RANBP17: variants seen among roughly 807,000 people sequenced by gnomAD.
RANBP17 encodes the protein RAN binding protein 17.
In RANBP17, 158 loss-of-function variants were observed where a neutral mutation model predicts 141.2. That is an observed-to-expected ratio of 1.12 (90% CI 0.98 to 1.28). The LOEUF (loss-of-function observed/expected upper bound fraction) is 1.28. Ranked by LOEUF, RANBP17 falls within the 50% of genes most tolerant of loss-of-function variation. The probability of loss-of-function intolerance (pLI) is 0.00; values close to 1 mark genes in which losing one functional copy is unlikely to be tolerated. For missense variants in RANBP17, 1,438 were observed against 1,290.7 expected, an observed-to-expected ratio of 1.11 and a Z score of -1.75; for synonymous variants, 430 against 450.0, an observed-to-expected ratio of 0.96 and a Z score of 0.56.
intron 20 of RANBP17, among the ~76,000 whole-genome samples, chr5:171,210,154 C>G (rs1762790488): frequency 6.6e-6 from 1 of 152,148 alleles, no homozygotes; most frequent in South Asian, 2.1e-4. Context: ...TACCTAAGGG[C>G]TCCCATTCTC....
At chr5:170,995,136 A>G (rs998925974) in intron 14 of RANBP17, among the ~76,000 whole-genome samples, 6 of 152,120 alleles carry the variant, frequency 3.9e-5, no homozygotes, top group Non-Finnish European at 7.4e-5. Context: ...TAATTAAATT[A>G]TTAAGATTTT....
rs1183215965 is a variant in RANBP17 at position 170,899,832 on chromosome 5, A to C, written c.489+3717A>C. On this transcript the variant is annotated intron_variant, in intron 5 of 27. Coordinates refer to ENST00000523189, the MANE Select transcript of RANBP17 (RefSeq NM_022897.5). The stretch of plus-strand genomic sequence containing the variant: ...ATGGATTATGTTTATTGATTTGCAT[A>C]TGTTGAACCAGGTTTGCATCCCAGA... Among the ~76,000 whole-genome samples, 6 of 152,250 alleles carry C rather than the reference A, an allele frequency of 3.9e-5. No individual in the cohort carries two copies. The East Asian group carries it at 1.2e-3, about 29-fold the overall frequency.
chr5:171,049,243 A>G (rs1232569910), intron 14 of RANBP17, among the ~76,000 whole-genome samples: 3 of 152,160 alleles, frequency 2.0e-5, no homozygotes, highest in African/African-American at 7.2e-5. Context: ...GATGCTGAAT[A>G]TTTTTTATAT....
chr5:170,917,566 G>A (rs1772078705), intron 9 of RANBP17, among the ~76,000 whole-genome samples: 1 of 152,110 alleles, frequency 6.6e-6, no homozygotes, highest in African/African-American at 2.4e-5. Flanking sequence ...TATATCTTCA[G>A]TAAGAATGTT....
At chr5:171,289,097 A>G (rs184068088) in intron 25 of RANBP17, among the ~76,000 whole-genome samples, 125 of 152,232 alleles carry the variant, frequency 8.2e-4, no homozygotes, top group Non-Finnish European at 1.6e-3. Context: ...TTATTCATTT[A>G]TGTATTTACT....
At chr5:170,965,625 A>G (rs1253840838) in intron 13 of RANBP17, among the ~76,000 whole-genome samples, 1 of 152,176 alleles carries the variant, frequency 6.6e-6, no homozygotes, top group Non-Finnish European at 1.5e-5. Flanking sequence ...ATGGCTAGCC[A>G]GTTTTCCCAG....
intron 14 of RANBP17, among the ~76,000 whole-genome samples, chr5:171,166,801 T>C (rs1204468247): frequency 6.6e-6 from 1 of 152,222 alleles, no homozygotes; most frequent in East Asian, 1.9e-4. Context: ...AAAGAAACAC[T>C]GTAATCATAC....
intron 14 of RANBP17, among the ~76,000 whole-genome samples, chr5:171,029,979 A>T (rs1400436296): frequency 6.6e-6 from 1 of 152,034 alleles, no homozygotes; most frequent in African/African-American, 2.4e-5. Flanking sequence ...CTTGTCTCTG[A>T]CTTTCACCCA....
At chr5:171,170,631 T>C (rs901844122) in intron 15 of RANBP17, among the ~76,000 whole-genome samples, 1 of 152,112 alleles carries the variant, frequency 6.6e-6, no homozygotes, top group Admixed American at 6.6e-5. Context: ...CAGAGACATA[T>C]TCATGGAAAC....
At chr5:171,157,428 T>C (rs1030964812) in intron 14 of RANBP17, among the ~76,000 whole-genome samples, 2 of 152,232 alleles carry the variant, frequency 1.3e-5, no homozygotes, top group African/African-American at 4.8e-5. Flanking sequence ...TATTACATCA[T>C]TTATATAGGG....
At chr5:170,869,927 T>A (rs1313464318) in intron 1 of RANBP17, among the ~76,000 whole-genome samples, 1 of 152,210 alleles carries the variant, frequency 6.6e-6, no homozygotes, top group East Asian at 1.9e-4. Flanking sequence ...CTCTTAATCC[T>A]CCAAACCTAT....
intron 24 of RANBP17, among the ~76,000 whole-genome samples, chr5:171,253,776 G>A (rs1223886892): frequency 6.6e-6 from 1 of 152,040 alleles, no homozygotes; most frequent in East Asian, 1.9e-4. Flanking sequence ...TATTTTTAAG[G>A]TGAATTTTAA....
intron 22 of RANBP17, among the ~76,000 whole-genome samples, chr5:171,231,910 G>A (rs1239532464): frequency 1.3e-5 from 2 of 151,794 alleles, no homozygotes; most frequent in African/African-American, 2.4e-5. Flanking sequence ...GTGAAAAATG[G>A]GAAAACAAAC....
Position 171,153,983 on chromosome 5 carries a change from C to T in RANBP17, c.1711-16147C>T, listed in dbSNP as rs185119209. 4.6e-5 allele frequency among the ~76,000 whole-genome samples: 7 copies of T among 151,570 alleles called. No individual in the cohort carries two copies. In the South Asian group the frequency reaches 6.3e-4, roughly 14 times the overall value. On this transcript the variant is annotated intron_variant, in intron 14 of 27. Coordinates refer to ENST00000523189, the MANE Select transcript of RANBP17 (RefSeq NM_022897.5). ...CGGAGGTTGCAGTGAGCCAAGATCA[C>T]GCCACTGCACTCCAGCCTGGGCAAC...
intron 20 of RANBP17, among the ~76,000 whole-genome samples, chr5:171,211,568 G>C (rs544451841): frequency 6.7e-6 from 1 of 150,036 alleles, no homozygotes; most frequent in East Asian, 2.0e-4. Flanking sequence ...GACTTTCTTT[G>C]AAGTACTTTC....
intron 14 of RANBP17, among the ~76,000 whole-genome samples, chr5:170,971,963 A>G (rs1373932061): frequency 6.6e-6 from 1 of 152,038 alleles, no homozygotes; most frequent in South Asian, 2.1e-4. Flanking sequence ...ATGCTTTGCT[A>G]TATTTGCTTC....
intron 19 of RANBP17, among the ~76,000 whole-genome samples, chr5:171,204,455 A>G (rs1178874524): frequency 1.3e-5 from 2 of 152,186 alleles, no homozygotes; most frequent in African/African-American, 4.8e-5. Flanking sequence ...AGAGGTTTTC[A>G]TTTATTACCA....
intron 14 of RANBP17, among the ~76,000 whole-genome samples, chr5:171,000,858 G>T (rs1779156239): frequency 1.3e-5 from 2 of 152,120 alleles, no homozygotes; most frequent in Non-Finnish European, 1.5e-5. Context: ...TTAAGGGTGG[G>T]GAAGATTACA....
chr5:170,970,830 C>A (rs374646998), intron 14 of RANBP17, among the ~76,000 whole-genome samples: 3 of 152,076 alleles, frequency 2.0e-5, no homozygotes. Flanking sequence ...CTGTAGCACC[C>A]ATTTGTTCCC....
Sources: allele counts gnomAD v4.1 joint callset (sites outside exome capture counted in the v4.1 genomes callset), GRCh38; gene constraint gnomAD v4.1.1; transcripts MANE v1.5; gene names NCBI Gene and HGNC (gene_info 2026-07-23, HGNC 2026-07-21).